UNC13C: variants seen among roughly 807,000 people sequenced by gnomAD.
UNC13C encodes the protein protein unc-13 homolog C.
In UNC13C, 174 loss-of-function variants were observed where a neutral mutation model predicts 245.4. The ratio of observed to expected loss-of-function variants is 0.71; its 90% CI spans 0.63 to 0.80. UNC13C has a LOEUF of 0.80. UNC13C is among the 30% of genes least tolerant of loss of function. The pLI is 0.00. For missense variants in UNC13C, 2,829 were observed against 2,602.9 expected (o/e 1.09, Z -1.89); for synonymous variants, 992 against 895.1 (o/e 1.11, Z -1.93).
rs758570117 is a variant in UNC13C, at chr15:54,015,432, G to A, written c.2529G>A (p.Glu843=). The part of the protein sequence containing the change: ...FRTLSQSTAN[E]SSTTLDSDVY... ...CATTATCTCAATCAACTGCAAATGAGTCAAGTACCACACTTGACTCTGATG... is the reference window on the plus strand; with the variant it reads ...CATTATCTCAATCAACTGCAAATGAATCAAGTACCACACTTGACTCTGATG... The change falls in exon 2 of 33, where the codon GAG becomes GAA. Residue 843 remains glutamate (E), a synonymous_variant. Transcript: ENST00000260323. 51 of 1,613,518 alleles carry A rather than the reference G, an allele frequency of 3.2e-5. No homozygotes were observed. Among genetic ancestry groups the A allele is most frequent in the Non-Finnish European group, 4.1e-5 (48 of 1,179,830 alleles).
intron 12 of UNC13C, among the ~76,000 whole-genome samples, chr15:54,299,333 A>G (rs1015109602): frequency 2.6e-5 from 4 of 152,176 alleles, no homozygotes; most frequent in Admixed American, 1.3e-4. Flanking sequence ...ATTTCGTTAC[A>G]AAATTCTCCA....
intron 20 of UNC13C, among the ~76,000 whole-genome samples, chr15:54,496,417 T>A (rs2141091521): frequency 6.6e-6 from 1 of 152,178 alleles, no homozygotes; most frequent in South Asian, 2.1e-4. Flanking sequence ...AAAGTAGATC[T>A]ACCATTTAAT....
chr15:54,015,477 C>T lies in UNC13C; in HGVS notation c.2574C>T (p.Tyr858=). The change falls in exon 2 of 33, where the codon TAC becomes TAT. Residue 858 remains tyrosine, a synonymous_variant. Coordinates refer to ENST00000260323, the MANE Select transcript of UNC13C (RefSeq NM_001080534.3). ...CTGATGTCTACACGGAGCCCTATTA[C>T]TATAAAGCAGAGGATGAGGAAGATT... ...LDSDVYTEPY[Y]YKAEDEEDYT... is the part of the protein sequence containing the mutation. 6.2e-7 allele frequency: 1 copy of T among 1,613,090 alleles called. No individual in the cohort carries two copies. Among genetic ancestry groups the T allele is most frequent in the Non-Finnish European group, 8.5e-7 (1 of 1,179,394 alleles).
chr15:54,266,115 G>C (rs2036543918), intron 10 of UNC13C, among the ~76,000 whole-genome samples: 2 of 151,868 alleles, frequency 1.3e-5, no homozygotes, highest in South Asian at 4.1e-4. Context: ...ATTCCTACAT[G>C]AGTTAAAGAC....
Position 54,546,766 on chromosome 15 carries a change from G to C in UNC13C, c.5741G>C (p.Arg1914Pro). Residue 1914 changes from arginine (R) to proline (P), a missense_variant, in exon 27 of 33, where the codon CGA becomes CCA. Physicochemically the swap from Arg to Pro is moderately radical, Grantham distance 103. Coordinates refer to ENST00000260323, the MANE Select transcript of UNC13C (RefSeq NM_001080534.3). ...ATCTGTGAGAAAACAGTCCTAAAGC[G>C]AGTTTTAAAAGAGTTATGGAAGCTA... The part of the protein sequence containing the change: ...AKICEKTVLK[R>P]VLKELWKLVL... 3.9e-6 allele frequency: 6 copies of C among 1,550,894 alleles called. No homozygotes were observed. The highest frequency in any genetic ancestry group is 5.2e-6 in the Non-Finnish European group (6 of 1,146,358).
the UNC13C span, among the ~76,000 whole-genome samples, chr15:53,844,384 G>A: frequency 6.6e-6 from 1 of 152,150 alleles, no homozygotes; most frequent in South Asian, 2.1e-4. Context: ...AAATACTTTG[G>A]TATTGACTGA....
chr15:53,893,108 C>T, the UNC13C span, among the ~76,000 whole-genome samples: 1 of 152,192 alleles, frequency 6.6e-6, no homozygotes, highest in Non-Finnish European at 1.5e-5. Flanking sequence ...AACAGTCAGG[C>T]TCCTCTGCTG....
the UNC13C span, among the ~76,000 whole-genome samples, chr15:53,901,386 T>C: frequency 2.7e-5 from 3 of 112,808 alleles, no homozygotes; most frequent in Admixed American, 2.9e-4. Context: ...TGCCTAGCTA[T>C]TTTTTTTGTA....
chr15:54,003,172 G>A (rs1894974433), intron 1 of UNC13C, among the ~76,000 whole-genome samples: 1 of 152,110 alleles, frequency 6.6e-6, no homozygotes, highest in Non-Finnish European at 1.5e-5. Flanking sequence ...CAATCATATT[G>A]AGTTTCAACA....
the UNC13C span, among the ~76,000 whole-genome samples, chr15:53,900,405 A>C: frequency 6.6e-6 from 1 of 152,326 alleles, no homozygotes; most frequent in South Asian, 2.1e-4. Context: ...TTCTTGAAAC[A>C]TATGGGCTTT....
Position 54,300,257 on chromosome 15 carries a change from A to T in UNC13C, c.4152A>T (p.Lys1384Asn), listed in dbSNP as rs926973915. ...LTEVKSNGGV[K>N]IPEVKGDEAW... ...AAGTGAAATCTAATGGTGGAGTGAA[A>T]ATCCCAGAAGTCAAAGGGGATGAAG... Residue 1384 changes from lysine (K) to asparagine (N), a missense_variant, in exon 13 of 33, where the codon AAA (lysine) becomes AAT (asparagine). By Grantham distance (94) the Lys-to-Asn change is moderately conservative. Transcript: ENST00000260323. 5 of 1,599,306 alleles carry T rather than the reference A, an allele frequency of 3.1e-6. No homozygotes were observed. The Admixed American group carries it at 6.9e-5, about 22-fold the overall frequency.
chr15:54,150,441 C>T (rs1026654246), intron 4 of UNC13C, among the ~76,000 whole-genome samples: 4 of 152,316 alleles, frequency 2.6e-5, no homozygotes, highest in African/African-American at 9.6e-5. Flanking sequence ...CTGCAGTCCT[C>T]ACGCAGAGCA....
intron 17 of UNC13C, among the ~76,000 whole-genome samples, chr15:54,384,479 CCT>C (rs2039794307): frequency 6.6e-6 from 1 of 152,064 alleles, no homozygotes. Context: ...AAACTGGACC[CCT>C]GTCTCTACCG....
chr15:54,457,169 G>A (rs1180092210), intron 19 of UNC13C, among the ~76,000 whole-genome samples: 2 of 151,974 alleles, frequency 1.3e-5, no homozygotes, highest in African/African-American at 4.8e-5. Context: ...TGTTTATGTG[G>A]TGTATCACAT....
chr15:53,934,522 C>T, the UNC13C span, among the ~76,000 whole-genome samples: 1 of 152,172 alleles, frequency 6.6e-6, no homozygotes, highest in Non-Finnish European at 1.5e-5. Flanking sequence ...CCTAGAATAA[C>T]AAGCAAAGCT....
the UNC13C span, among the ~76,000 whole-genome samples, chr15:53,938,425 T>G: frequency 0.23 from 34,467 of 151,542 alleles, 3,954 homozygotes; most frequent in Middle Eastern, 0.31. Context: ...TAATAACACC[T>G]CACTGACAAT....
chr15:54,615,622 G>A (rs1448767654), intron 30 of UNC13C, among the ~76,000 whole-genome samples: 1 of 152,066 alleles, frequency 6.6e-6, no homozygotes, highest in African/African-American at 2.4e-5. Context: ...TTTGAGAGAT[G>A]CTGATAGGTC....
intron 30 of UNC13C, among the ~76,000 whole-genome samples, chr15:54,621,471 C>T (rs1171018585): frequency 6.9e-6 from 1 of 145,600 alleles, no homozygotes; most frequent in East Asian, 2.0e-4. Flanking sequence ...ATTTTCCAAG[C>T]CTGTAGTCGT....
the UNC13C span, among the ~76,000 whole-genome samples, chr15:53,865,608 T>A: frequency 1.3e-5 from 2 of 152,124 alleles, no homozygotes; most frequent in African/African-American, 2.4e-5. Flanking sequence ...TCTCAACATA[T>A]GAATTTTGAT....
Sources: gnomAD v4.1 joint callset for allele counts (sites outside exome capture counted in the v4.1 genomes callset) on GRCh38, gnomAD v4.1.1 for gene constraint, MANE v1.5 for transcripts, NCBI Gene and HGNC (gene_info 2026-07-23, HGNC 2026-07-21) for gene names.